The following NECTIN2 variants were observed in gnomAD, a reference collection of about 807,000 sequenced individuals.
NECTIN2 encodes the protein nectin cell adhesion molecule 2, also known as nectin-2.
In NECTIN2, 23 loss-of-function variants were observed where a neutral mutation model predicts 56.9. The ratio of observed to expected loss-of-function variants is 0.40; its 90% CI spans 0.29 to 0.57. NECTIN2 has a LOEUF of 0.57. Among genes scored for constraint, NECTIN2 ranks in the 20% least tolerant of loss-of-function variants. The pLI is 0.38. For missense variants in NECTIN2, 587 were observed against 718.3 expected (o/e 0.82, Z 2.09); for synonymous variants, 302 against 313.8 (o/e 0.96, Z 0.40).
At position 44,865,253 on chromosome 19, in the gene NECTIN2, T is replaced by G. The variant is rs1433593656; in HGVS notation, c.89-18T>G. On this transcript the variant is annotated intron_variant, in intron 1 of 8. Transcript: ENST00000252483. The surrounding 1 kb of genome is among the most constrained non-coding windows in gnomAD (Gnocchi z 5.2). ...CCTCCCCCACCCGACTACTTCACTC[T>G]CTGTCCTCTCTGCCCAGGAGCCCAG... is the stretch of plus-strand genomic sequence containing the variant. 2 of 1,594,804 alleles carry G rather than the reference T, an allele frequency of 1.3e-6. No homozygotes were observed. The highest frequency in any genetic ancestry group is 1.7e-6 in the Non-Finnish European group (2 of 1,168,468).
intron 2 of NECTIN2, among the ~76,000 whole-genome samples, chr19:44,867,943 A>C (rs2122672612): frequency 6.6e-6 from 1 of 152,184 alleles, no homozygotes; most frequent in East Asian, 1.9e-4. Context: ...AGAGGGGAGA[A>C]GAGGCATTGC....
In NECTIN2 at chr19:44,888,913, G is replaced by C. The variant is rs1236550306; in HGVS notation, c.*534G>C. On this transcript the variant is annotated 3_prime_UTR_variant, in exon 9 of 9. Transcript: ENST00000252483. ...GGCAGGGTTTTCCCAGCACCCTCCT[G>C]TAAGCAGAAGTCTCAGGGTCCAGAC... is the stretch of plus-strand genomic sequence containing the variant. 2 of 155,458 alleles carry C rather than the reference G, an allele frequency of 1.3e-5. No individual in the cohort carries two copies. Among genetic ancestry groups the C allele is most frequent in the Non-Finnish European group, 2.9e-5 (2 of 69,850 alleles). 9.6% of individuals were successfully genotyped at this position (155,458 alleles called of 1,614,324 possible). A position where few individuals can be genotyped will look rare whatever the true frequency, so the allele number is the denominator to read the frequency against.
chr19:44,887,356 A>C (rs1969372335), intron 8 of NECTIN2, among the ~76,000 whole-genome samples: 1 of 150,016 alleles, frequency 6.7e-6, no homozygotes, highest in African/African-American at 2.5e-5. Flanking sequence ...CTCAAAAAAG[A>C]AAAAGGCCGG....
At chr19:44,853,194 C>A (rs1439325238) in intron 1 of NECTIN2, among the ~76,000 whole-genome samples, 2 of 151,840 alleles carry the variant, frequency 1.3e-5, no homozygotes, top group Non-Finnish European at 2.9e-5. Context: ...GGGGAACTTA[C>A]AGCAATGGGA....
intron 3 of NECTIN2, among the ~76,000 whole-genome samples, chr19:44,873,261 C>T (rs1166001723): frequency 6.6e-6 from 1 of 151,432 alleles, no homozygotes; most frequent in Admixed American, 6.6e-5. Context: ...CTCCCCTGAG[C>T]CTCGTCTGTG....
chr19:44,882,759 C>T (rs1379300039), intron 6 of NECTIN2, among the ~76,000 whole-genome samples: 2 of 143,202 alleles, frequency 1.4e-5, no homozygotes, highest in Non-Finnish European at 3.0e-5. Flanking sequence ...TGCAAAGACT[C>T]CTCGGAGCCC....
Position 44,865,219 on chromosome 19 carries a change from G to A in NECTIN2, c.89-52G>A. ...CTTCGTGGTGGCCCTGCCTGGAGGT[G>A]TCTGGGTCCCTCCCCCACCCGACTA... On this transcript the variant is annotated intron_variant, in intron 1 of 8. Coordinates refer to ENST00000252483, the MANE Select transcript of NECTIN2 (RefSeq NM_001042724.2). This position sits in a 1 kb window ranked among gnomAD's most constrained non-coding sequence, Gnocchi z 5.2. 1 of 1,535,118 alleles carries A rather than the reference G, an allele frequency of 6.5e-7. No individual in the cohort carries two copies. Among genetic ancestry groups the A allele is most frequent in the South Asian group, 1.3e-5 (1 of 79,450 alleles).
intron 1 of NECTIN2, among the ~76,000 whole-genome samples, 153 bp downstream of exon 1, chr19:44,846,766 C>A (rs1968840305): frequency 6.6e-6 from 1 of 150,844 alleles, no homozygotes; most frequent in African/African-American, 2.4e-5. Flanking sequence ...GACTCCGACC[C>A]CCTACACGTC....
intron 1 of NECTIN2, among the ~76,000 whole-genome samples, chr19:44,864,219 T>C (rs1289161532): frequency 1.3e-5 from 2 of 152,186 alleles, no homozygotes; most frequent in East Asian, 1.9e-4. Flanking sequence ...TGGTGGTACA[T>C]GCCTGTAGTC....
rs980121870 is a variant in NECTIN2, at chr19:44,882,194, T to C, written c.1043-17T>C. The C allele has an allele frequency of 2.8e-6, 4 of 1,408,870 alleles. No homozygotes were observed. The highest frequency in any genetic ancestry group is 3.7e-6 in the Non-Finnish European group (4 of 1,069,050). The allele number at this position is 1,408,870 out of a possible 1,614,324, so 87.3% of individuals were successfully genotyped here. Reference sequence around the variant, plus strand: ...CTTCCTCCTGGAGACCCCCTCACGCTGTCCCTCTCCTTGCAGAGACCCCCA... The same window carrying C: ...CTTCCTCCTGGAGACCCCCTCACGCCGTCCCTCTCCTTGCAGAGACCCCCA... On this transcript the variant is annotated splice_polypyrimidine_tract_variant and intron_variant, in intron 5 of 8. Transcript: ENST00000252483.
chr19:44,859,737 A>ACCCTGCC (rs1969010060), intron 1 of NECTIN2, among the ~76,000 whole-genome samples: 1 of 151,954 alleles, frequency 6.6e-6, no homozygotes, highest in Non-Finnish European at 1.5e-5. Context: ...AGGCAGGAGA[A>ACCCTGCC]TCGCTTGAAC....
intron 1 of NECTIN2, among the ~76,000 whole-genome samples, chr19:44,862,210 C>G (rs910900202): frequency 1.3e-5 from 2 of 151,654 alleles, no homozygotes; most frequent in East Asian, 1.9e-4. Context: ...GTCAGGAGAT[C>G]GAGACCATTC....
intron 1 of NECTIN2, among the ~76,000 whole-genome samples, chr19:44,863,420 C>G (rs1461551326): frequency 6.6e-6 from 1 of 151,948 alleles, no homozygotes; most frequent in African/African-American, 2.4e-5. Flanking sequence ...AGAGTGAGAC[C>G]CTGTCTCAAA....
intron 3 of NECTIN2, among the ~76,000 whole-genome samples, chr19:44,872,700 C>T (rs947295417): frequency 6.6e-6 from 1 of 151,886 alleles, no homozygotes; most frequent in Non-Finnish European, 1.5e-5. Flanking sequence ...CCTTCCCATA[C>T]TTCTGCCTTG....
chr19:44,869,738 A>G (rs1969150761), intron 2 of NECTIN2, among the ~76,000 whole-genome samples: 1 of 152,092 alleles, frequency 6.6e-6, no homozygotes, highest in Non-Finnish European at 1.5e-5. Context: ...AGCTCTTGCA[A>G]GTGAGCTTTT....
At chr19:44,862,475 A>AAG (rs1555786253) in intron 1 of NECTIN2, among the ~76,000 whole-genome samples, 41 of 149,914 alleles carry the variant, frequency 2.7e-4, no homozygotes, top group Non-Finnish European at 2.7e-4. Context: ...ATAAAAAAAA[A>AAG]AAAGAAAGAA....
chr19:44,884,585 T>TGCTGTGACCC (rs1969340107), intron 6 of NECTIN2, among the ~76,000 whole-genome samples: 1 of 152,222 alleles, frequency 6.6e-6, no homozygotes, highest in Admixed American at 6.5e-5. Context: ...TGCAGCTCCA[T>TGCTGTGACCC]GCTGTGACCC....
intron 1 of NECTIN2, among the ~76,000 whole-genome samples, chr19:44,859,681 G>A (rs550729769): frequency 1.3e-3 from 201 of 152,128 alleles, no homozygotes; most frequent in African/African-American, 4.7e-3. Flanking sequence ...AAAATCAGCC[G>A]GACCGTAGTG....
At chr19:44,850,782 G>C (rs968985368) in intron 1 of NECTIN2, among the ~76,000 whole-genome samples, 2 of 152,156 alleles carry the variant, frequency 1.3e-5, no homozygotes, top group East Asian at 3.8e-4. Flanking sequence ...TTTCCGCTGT[G>C]GGGGTTGGGC....
Sources: allele counts gnomAD v4.1 joint callset (sites outside exome capture counted in the v4.1 genomes callset), GRCh38; gene constraint gnomAD v4.1.1; non-coding constraint Gnocchi (gnomAD v3.1); transcripts MANE v1.5; gene names NCBI Gene and HGNC (gene_info 2026-07-23, HGNC 2026-07-21).